Variants in TAFA2 observed in about 807,000 individuals in gnomAD.
TAFA2 encodes the protein chemokine-like protein TAFA-2.
A neutral mutation model predicts 18.8 loss-of-function variants in TAFA2; 7 were observed. The ratio of observed to expected loss-of-function variants is 0.37; its 90% CI spans 0.21 to 0.70. The LOEUF is 0.70. Among genes scored for constraint, TAFA2 ranks in the 30% least tolerant of loss-of-function variants. The probability of loss-of-function intolerance (pLI) is 0.53; values close to 1 mark genes in which losing one functional copy is unlikely to be tolerated. For synonymous variants in TAFA2, 60 were observed against 54.2 expected (o/e 1.11, Z -0.47); for missense variants, 122 against 158.1 (o/e 0.77, Z 1.23).
intron 1 of TAFA2, among the ~76,000 whole-genome samples, chr12:62,165,464 T>C (rs1036200598): frequency 6.6e-6 from 1 of 152,122 alleles, no homozygotes; most frequent in Non-Finnish European, 1.5e-5. Context: ...TCTTGAGCCC[T>C]AGTCTTTCCT....
At chr12:61,879,578 G>C in intron 1 of TAFA2, 1 of 753,216 alleles carries the variant, frequency 1.3e-6, no homozygotes, top group Non-Finnish European at 2.4e-6. Flanking sequence ...ATCCAGGCCA[G>C]GTTCTGCACA....
At chr12:61,870,888 T>C (rs1334628678) in intron 1 of TAFA2, among the ~76,000 whole-genome samples, 1 of 152,182 alleles carries the variant, frequency 6.6e-6, no homozygotes, top group African/African-American at 2.4e-5. Context: ...CACCTACTTA[T>C]ATTCAACCAT....
chr12:61,874,128 G>A (rs1203179640), intron 1 of TAFA2, among the ~76,000 whole-genome samples: 1 of 152,094 alleles, frequency 6.6e-6, no homozygotes, highest in African/African-American at 2.4e-5. Flanking sequence ...CATTATGTGT[G>A]TCAGAACTTT....
chr12:61,763,368 C>G (rs1869644580), intron 2 of TAFA2, among the ~76,000 whole-genome samples: 2 of 151,930 alleles, frequency 1.3e-5, no homozygotes, highest in Admixed American at 6.6e-5. Context: ...AATTCTCAAC[C>G]AGAGAATGTC....
At chr12:62,122,708 G>A (rs1027044172) in intron 1 of TAFA2, among the ~76,000 whole-genome samples, 3 of 152,086 alleles carry the variant, frequency 2.0e-5, no homozygotes, top group African/African-American at 7.2e-5. Flanking sequence ...AACATACAAA[G>A]GGCTAGGAAC....
rs544407066 is a variant in TAFA2, at chr12:61,788,591, T to C, written c.107-33567A>G. ...AATGATATAGAGCCTAGAAAACCCA[T>C]ACAAAACATCAACGGAATAAAGAAC... On this transcript the variant is annotated intron_variant, in intron 2 of 4. Transcript: ENST00000416284. Among the ~76,000 whole-genome samples the C allele has an allele frequency of 7.7e-4, 117 of 151,668 alleles. 1 individual carries two copies. The South Asian group carries it at 0.023, about 30-fold the overall frequency.
intron 1 of TAFA2, among the ~76,000 whole-genome samples, chr12:62,030,088 C>T (rs904563955): frequency 6.6e-6 from 1 of 152,118 alleles, no homozygotes. Context: ...AACGTAAAGG[C>T]ACAAAATCTA....
chr12:61,883,186 T>A (rs1405199058), intron 1 of TAFA2, among the ~76,000 whole-genome samples: 1 of 152,194 alleles, frequency 6.6e-6, no homozygotes, highest in Non-Finnish European at 1.5e-5. Context: ...AAAAAATTCA[T>A]CTTTCAGCTA....
At position 62,216,650 on chromosome 12, in the gene TAFA2, A is replaced by G. The variant is rs949911849; in HGVS notation, c.-130+42113T>C. ...ACAAATTCTTAATACACAGTATACT[A>G]TTGTTGATCTGAAAAACGCTTTATT... On this transcript the variant is annotated intron_variant, in intron 1 of 5. Coordinates refer to the TAFA2 transcript ENST00000551619. 7.2e-5 allele frequency among the ~76,000 whole-genome samples: 11 copies of G among 152,338 alleles called. No individual in the cohort carries two copies. In the South Asian group the frequency reaches 1.2e-3, roughly 17 times the overall value.
At position 61,740,130 on chromosome 12, in the gene TAFA2, T is replaced by C. The variant is rs143193984; in HGVS notation, c.384+13492A>G. On this transcript the variant is annotated intron_variant, in intron 4 of 4. Coordinates refer to ENST00000416284, the MANE Select transcript of TAFA2 (RefSeq NM_178539.5). ...TCTGTCTCTCTACCATCCTTCTCCC[T>C]GCCCTCACCAGTTTTCTTTTAACAG... is the stretch of plus-strand genomic sequence containing the variant. Among the ~76,000 whole-genome samples the C allele has an allele frequency of 2.3e-3, 347 of 152,284 alleles. 3 individuals are homozygous for C. The highest frequency in any genetic ancestry group is 7.8e-3 in the African/African-American group (323 of 41,584).
Position 61,980,937 on chromosome 12 carries a change from C to T in TAFA2, c.-1-113511G>A, listed in dbSNP as rs112503766. Among the ~76,000 whole-genome samples, 498 of 152,204 alleles carry T rather than the reference C, an allele frequency of 3.3e-3. 2 individuals are homozygous for T. Among genetic ancestry groups the T allele is most frequent in the African/African-American group, 8.3e-3 (344 of 41,530 alleles). On this transcript the variant is annotated intron_variant, in intron 1 of 4. Coordinates refer to ENST00000416284, the MANE Select transcript of TAFA2 (RefSeq NM_178539.5). Reference sequence around the variant, plus strand: ...GCATCAAGCTACCAATGACTTTCTTCGCAGAATTGGAAAAAACTACTTTAA... The same window carrying T: ...GCATCAAGCTACCAATGACTTTCTTTGCAGAATTGGAAAAAACTACTTTAA...
chr12:62,038,091 C>A (rs955268002), intron 1 of TAFA2, among the ~76,000 whole-genome samples: 1 of 151,966 alleles, frequency 6.6e-6, no homozygotes, highest in Admixed American at 6.6e-5. Context: ...TGGTTACCAG[C>A]GGCAGGGTGG....
intron 1 of TAFA2, among the ~76,000 whole-genome samples, chr12:61,882,013 C>G (rs1875165327): frequency 6.6e-6 from 1 of 151,924 alleles, no homozygotes; most frequent in Non-Finnish European, 1.5e-5. Flanking sequence ...AAAATTTTGC[C>G]TAGACCTATG....
chr12:61,940,803 G>A (rs558969671), intron 1 of TAFA2, among the ~76,000 whole-genome samples: 1 of 152,142 alleles, frequency 6.6e-6, no homozygotes, highest in African/African-American at 2.4e-5. Context: ...TTAGGCAAAA[G>A]GAACAGTGAA....
chr12:62,152,385 A>G (rs995720859), intron 1 of TAFA2, among the ~76,000 whole-genome samples: 3 of 152,212 alleles, frequency 2.0e-5, no homozygotes, highest in African/African-American at 7.2e-5. Flanking sequence ...GAAATTCACT[A>G]GACCCAAATG....
chr12:62,113,125 AC>A (rs1399322446), intron 1 of TAFA2, among the ~76,000 whole-genome samples: 1 of 151,670 alleles, frequency 6.6e-6, no homozygotes, highest in Non-Finnish European at 1.5e-5. Context: ...GAATTTATAT[AC>A]CTTTGTTCTT....
At chr12:62,257,897 T>C (rs928350319) in intron 1 of TAFA2, among the ~76,000 whole-genome samples, 2 of 152,198 alleles carry the variant, frequency 1.3e-5, no homozygotes, top group African/African-American at 4.8e-5. Context: ...CTTATTTCTC[T>C]TCATAATTGA....
chr12:61,949,438 C>A (rs1878390078), intron 1 of TAFA2, among the ~76,000 whole-genome samples: 1 of 152,096 alleles, frequency 6.6e-6, no homozygotes, highest in Non-Finnish European at 1.5e-5. Flanking sequence ...GAAGGCTACT[C>A]TAGACCCAGT....
chr12:61,754,473 G>A (rs1037266665), intron 3 of TAFA2, among the ~76,000 whole-genome samples: 2 of 150,926 alleles, frequency 1.3e-5, no homozygotes, highest in African/African-American at 4.9e-5. Context: ...TCATATACAT[G>A]GTGCTATTTT....
Sources: allele counts gnomAD v4.1 joint callset (sites outside exome capture counted in the v4.1 genomes callset), GRCh38; gene constraint gnomAD v4.1.1; transcripts MANE v1.5; gene names NCBI Gene and HGNC (gene_info 2026-07-23, HGNC 2026-07-21).